Variants in ARPP21 observed in about 807,000 individuals in gnomAD.
ARPP21 encodes cAMP regulated phosphoprotein 21, also known as cAMP-regulated phosphoprotein 21.
A neutral mutation model predicts 113.2 loss-of-function variants in ARPP21; 69 were observed. The ratio of observed to expected loss-of-function variants is 0.61; its 90% CI spans 0.50 to 0.74. ARPP21 has a LOEUF of 0.74. Among genes scored for constraint, ARPP21 ranks in the 30% least tolerant of loss-of-function variants. The pLI, the probability that ARPP21 is intolerant of heterozygous loss-of-function variation, is 0.00. For missense variants in ARPP21, 1,070 were observed against 1,037.4 expected, an observed-to-expected ratio of 1.03 and a Z score of -0.43; for synonymous variants, 368 against 375.5, an observed-to-expected ratio of 0.98 and a Z score of 0.23.
chr3:35,748,299 GAAGAAAGAAAGAAAGAAAGAAA>G lies in ARPP21; in HGVS notation c.2137+4353_2137+4374del, dbSNP rs1436621383. On this transcript the variant is annotated intron_variant, in intron 19 of 20. Transcript: ENST00000684406. ...GAAAGAAAAGGAGGAAGGAAGGAAG[GAAGAAAGAAAGAAAGAAAGAAA>G]AAGAAAGAAAGAAAGAAAAGAAAGG... Among the ~76,000 whole-genome samples the G allele has an allele frequency of 2.6e-5, 3 of 116,892 alleles. No individual in the cohort carries two copies. The East Asian group carries it at 7.3e-4, about 29-fold the overall frequency. The allele number at this position is 116,892 out of a possible 152,430, so 76.7% of individuals were successfully genotyped here.
intron 1 of ARPP21, among the ~76,000 whole-genome samples, chr3:35,641,265 A>T (rs986529173): frequency 6.6e-6 from 1 of 152,204 alleles, no homozygotes; most frequent in Non-Finnish European, 1.5e-5. Flanking sequence ...CAAGAAGGAC[A>T]TTCCCCAAAG....
intron 15 of ARPP21, 31 bp from the exon 16 acceptor site, chr3:35,737,147 T>G (rs750778880): frequency 7.2e-7 from 1 of 1,393,946 alleles, no homozygotes; most frequent in South Asian, 1.2e-5. Flanking sequence ...ATTGAGAAGC[T>G]TACCTGGACT....
At chr3:35,689,170 T>C (rs2081504586) in intron 6 of ARPP21, 137 bp from the exon 7 acceptor site, 3 of 655,040 alleles carry the variant, frequency 4.6e-6, no homozygotes, top group Non-Finnish European at 2.8e-6. Context: ...TTGCTAGTTT[T>C]GAAACATGTA....
At chr3:35,712,295 T>C (rs2091352260) in intron 11 of ARPP21, among the ~76,000 whole-genome samples, 1 of 152,218 alleles carries the variant, frequency 6.6e-6, no homozygotes, top group Non-Finnish European at 1.5e-5. Context: ...ATTTGAAAAC[T>C]GAGCTAACAA....
chr3:35,756,240 A>G (rs933981050), intron 19 of ARPP21, among the ~76,000 whole-genome samples: 1 of 152,120 alleles, frequency 6.6e-6, no homozygotes, highest in African/African-American at 2.4e-5. Context: ...GAAGGCTACA[A>G]TACTGTCTGA....
At chr3:35,748,371 G>T (rs2095262707) in intron 19 of ARPP21, among the ~76,000 whole-genome samples, 1 of 128,184 alleles carries the variant, frequency 7.8e-6, no homozygotes, top group East Asian at 2.4e-4. Flanking sequence ...AGAAAGAAAA[G>T]GAAAGAAAGA....
Position 35,694,935 on chromosome 3 carries a change from A to AAT in ARPP21, c.686+3939_686+3940dup, listed in dbSNP as rs765190776. ...AAATATATATTTAGATATTATACAT[A>AAT]ATATATATATTTATATAAATGTATA... On this transcript the variant is annotated intron_variant, in intron 9 of 20. Transcript: ENST00000684406. Among the ~76,000 whole-genome samples the AAT allele has an allele frequency of 9.5e-5, 14 of 147,452 alleles. No individual in the cohort carries two copies. In the East Asian group the frequency reaches 2.6e-3, roughly 27 times the overall value.
At chr3:35,747,947 A>AAAAGAAAGAAAGAAAGAAAAAG (rs71082212) in intron 19 of ARPP21, among the ~76,000 whole-genome samples, 1 of 142,836 alleles carries the variant, frequency 7.0e-6, no homozygotes, top group Non-Finnish European at 1.5e-5. Context: ...GAAAGAAAGA[A>AAAAGAAAGAAAGAAAGAAAAAG]AAAGAAAGAA....
At position 35,687,721 on chromosome 3, in the gene ARPP21, A is replaced by G; in HGVS notation, c.262-18A>G. Reference sequence around the variant, plus strand: ...TGATTAAACCTGGCCCTAAATTATTATATTTTTTCCCCAACAGGAATCAAT... The same window carrying G: ...TGATTAAACCTGGCCCTAAATTATTGTATTTTTTCCCCAACAGGAATCAAT... On this transcript the variant is annotated intron_variant, in intron 5 of 20. Coordinates refer to ENST00000684406, the MANE Select transcript of ARPP21 (RefSeq NM_001385562.1). 1.3e-6 allele frequency: 2 copies of G among 1,593,604 alleles called. No individual in the cohort carries two copies. Among genetic ancestry groups the G allele is most frequent in the Non-Finnish European group, 1.7e-6 (2 of 1,172,310 alleles).
At chr3:35,792,599 T>A in intron 20 of ARPP21, 69 bp downstream of exon 20, 1 of 1,498,636 alleles carries the variant, frequency 6.7e-7, no homozygotes, top group Admixed American at 1.7e-5. Flanking sequence ...GCTGTGGGTC[T>A]GTCCCTGGTT....
chr3:35,679,139 G>T (rs1314067020), intron 1 of ARPP21, among the ~76,000 whole-genome samples: 1 of 151,886 alleles, frequency 6.6e-6, no homozygotes, highest in Non-Finnish European at 1.5e-5. Flanking sequence ...TGGCAATCCC[G>T]ATGGGGAGGG....
intron 18 of ARPP21, 58 bp downstream of exon 18, chr3:35,739,635 T>G: frequency 6.5e-7 from 1 of 1,533,774 alleles, no homozygotes; most frequent in Non-Finnish European, 8.8e-7. Flanking sequence ...ATTTTGACCT[T>G]TATCTTTCTA....
At chr3:35,767,524 C>T (rs975525708) in intron 19 of ARPP21, among the ~76,000 whole-genome samples, 5 of 151,976 alleles carry the variant, frequency 3.3e-5, no homozygotes, top group African/African-American at 9.7e-5. Flanking sequence ...CTCAATAGTT[C>T]ACTCCAAGCA....
chr3:35,702,927 T>A (rs1412317942), intron 9 of ARPP21, among the ~76,000 whole-genome samples: 1 of 151,902 alleles, frequency 6.6e-6, no homozygotes, highest in Non-Finnish European at 1.5e-5. Flanking sequence ...TTTCTCTAAT[T>A]TGTTTGACTA....
At chr3:35,667,158 C>T (rs2074583935) in intron 1 of ARPP21, among the ~76,000 whole-genome samples, 2 of 152,158 alleles carry the variant, frequency 1.3e-5, no homozygotes, top group South Asian at 4.1e-4. Context: ...ATCCTACATT[C>T]TTTAATCAAA....
chr3:35,754,940 G>T (rs1461069000), intron 19 of ARPP21, among the ~76,000 whole-genome samples: 2 of 151,840 alleles, frequency 1.3e-5, no homozygotes, highest in African/African-American at 2.4e-5. Flanking sequence ...GGCGAAAACA[G>T]AAAGAAAAAG....
intron 19 of ARPP21, among the ~76,000 whole-genome samples, chr3:35,746,418 T>C (rs2095053216): frequency 6.6e-6 from 1 of 152,202 alleles, no homozygotes; most frequent in Non-Finnish European, 1.5e-5. Flanking sequence ...TCTATGTGGA[T>C]GGACTATCTC....
intron 19 of ARPP21, among the ~76,000 whole-genome samples, chr3:35,769,997 C>G (rs999396904): frequency 1.3e-5 from 2 of 152,188 alleles, no homozygotes; most frequent in African/African-American, 4.8e-5. Context: ...ATCCAGGTGA[C>G]TCCCTACTTA....
At chr3:35,665,648 G>A (rs1356591726) in intron 1 of ARPP21, among the ~76,000 whole-genome samples, 1 of 152,134 alleles carries the variant, frequency 6.6e-6, no homozygotes, top group Non-Finnish European at 1.5e-5. Context: ...TGAGAAACAA[G>A]AAAAGAATCC....
Sources: allele counts gnomAD v4.1 joint callset (sites outside exome capture counted in the v4.1 genomes callset), GRCh38; gene constraint gnomAD v4.1.1; transcripts MANE v1.5; gene names NCBI Gene and HGNC (gene_info 2026-07-23, HGNC 2026-07-21).